CDC42BPA: variants seen among roughly 807,000 people sequenced by gnomAD.
The protein encoded by CDC42BPA is CDC42 binding protein kinase alpha.
Under a neutral mutation model 223.5 loss-of-function variants are expected in CDC42BPA, and 80 were observed. The ratio of observed to expected loss-of-function variants is 0.36; its 90% CI spans 0.30 to 0.43. CDC42BPA has a LOEUF of 0.43. CDC42BPA is among the 20% of genes least tolerant of loss of function. The probability of loss-of-function intolerance (pLI) is 1.00; values close to 1 mark genes in which losing one functional copy is unlikely to be tolerated. For missense variants in CDC42BPA, 1,743 were observed against 2,099.9 expected (o/e 0.83, Z 3.32); for synonymous variants, 694 against 718.6 (o/e 0.97, Z 0.55).
At position 227,243,792 on chromosome 1, in the gene CDC42BPA, ACG is replaced by A. The variant is rs1398907836; in HGVS notation, c.270+10270_270+10271del. ...CACACACACACACACACACACACAC[ACG>A]TGTGCACATCTCCAACAACAGATTT... On this transcript the variant is annotated intron_variant, in intron 2 of 36. Transcript: ENST00000366766. Among the ~76,000 whole-genome samples the A allele has an allele frequency of 1.9e-4, 27 of 145,680 alleles. 2 individuals carry two copies. The East Asian group carries it at 5.2e-3, about 28-fold the overall frequency.
intron 34 of CDC42BPA, among the ~76,000 whole-genome samples, chr1:227,005,334 T>C (rs1013490256): frequency 2.6e-5 from 4 of 152,236 alleles, no homozygotes; most frequent in African/African-American, 9.6e-5. Flanking sequence ...TTATACTTAC[T>C]GAAATACTTA....
chr1:227,177,587 A>G (rs1243607718), intron 5 of CDC42BPA, among the ~76,000 whole-genome samples: 3 of 151,752 alleles, frequency 2.0e-5, no homozygotes, highest in Non-Finnish European at 4.4e-5. Context: ...CCCAGAATTT[A>G]TGTTGTTTTG....
At chr1:227,282,352 G>C (rs1163520811) in intron 1 of CDC42BPA, among the ~76,000 whole-genome samples, 1 of 152,062 alleles carries the variant, frequency 6.6e-6, no homozygotes, top group Non-Finnish European at 1.5e-5. Flanking sequence ...TCACTTCCTA[G>C]GAGTTTAAAC....
At chr1:227,207,014 T>A (rs12723781) in intron 3 of CDC42BPA, among the ~76,000 whole-genome samples, 1 of 150,004 alleles carries the variant, frequency 6.7e-6, no homozygotes, top group African/African-American at 2.4e-5. Context: ...ATGTGCCATG[T>A]TGGTGTGCTG....
At chr1:227,119,539 A>G (rs1688297359) in intron 12 of CDC42BPA, among the ~76,000 whole-genome samples, 1 of 152,044 alleles carries the variant, frequency 6.6e-6, no homozygotes, top group African/African-American at 2.4e-5. Flanking sequence ...TTCTTTTTCA[A>G]TAACATTCTT....
In CDC42BPA at chr1:227,218,103, A is replaced by G. The variant is rs116160413; in HGVS notation, c.271-4884T>C. On this transcript the variant is annotated intron_variant, in intron 2 of 36. Coordinates refer to ENST00000366766, the MANE Select transcript of CDC42BPA (RefSeq NM_001394014.1). ...ATTAATGATGAATGACTGGTAATCT[A>G]TGTGGGTGTATATACATGCAAAGTT... 3.0e-3 allele frequency among the ~76,000 whole-genome samples: 452 copies of G among 152,052 alleles called. 3 individuals are homozygous for G. The highest frequency in any genetic ancestry group is 9.6e-3 in the African/African-American group (398 of 41,552).
intron 5 of CDC42BPA, among the ~76,000 whole-genome samples, chr1:227,193,063 CTTTTTT>C (rs1160548241): frequency 7.7e-4 from 90 of 117,028 alleles, no homozygotes; most frequent in East Asian, 4.6e-3. Flanking sequence ...GAAGTGAGAA[CTTTTTT>C]TTTTTTTTTT....
At chr1:227,137,855 G>A (rs930408296) in intron 10 of CDC42BPA, among the ~76,000 whole-genome samples, 1 of 152,032 alleles carries the variant, frequency 6.6e-6, no homozygotes, top group African/African-American at 2.4e-5. Context: ...ATTTCATAGT[G>A]GTAGGTTACA....
At position 226,994,725 on chromosome 1, in the gene CDC42BPA, C is replaced by G. The variant is rs182481061; in HGVS notation, c.5133+98G>C. 2.2e-4 allele frequency: 280 copies of G among 1,285,352 alleles called. 1 individual carries two copies. The African/African-American group carries it at 3.7e-3, about 17-fold the overall frequency. The allele number at this position is 1,285,352 out of a possible 1,614,324, so 79.6% of individuals were successfully genotyped here. On this transcript the variant is annotated intron_variant, in intron 36 of 36. Transcript: ENST00000366766. This position sits in a 1 kb window ranked among gnomAD's most constrained non-coding sequence, Gnocchi z 4.0. ...TGAATGCTGGCCCCTGACCCCGAAC[C>G]CTGCTGCAGCTGAGGCCAATCCCAA... is the stretch of plus-strand genomic sequence containing the variant.
chr1:227,091,956 T>C lies in CDC42BPA; in HGVS notation c.2285A>G (p.Lys762Arg), dbSNP rs770731771. The C allele has an allele frequency of 1.6e-5, 26 of 1,606,816 alleles. No homozygotes were observed. The highest frequency in any genetic ancestry group is 2.0e-5 in the Non-Finnish European group (23 of 1,176,842). Residue 762 changes from lysine (K) to arginine (R), a missense_variant, in exon 16 of 37, where the codon AAA (lysine) becomes AGA (arginine). Physicochemically the swap from Lys to Arg is conservative, Grantham distance 26. Transcript: ENST00000366766. ...SEREEFESEFKQQYEREKVLL... is the reference protein window; with the variant it reads ...SEREEFESEFRQQYEREKVLL... ...CACTTTTTCTCGTTCATATTGTTGT[T>C]TGAACTCACTTTCAAATTCCTCCCT...
chr1:227,223,339 T>C (rs551547398), intron 2 of CDC42BPA, among the ~76,000 whole-genome samples: 2 of 151,932 alleles, frequency 1.3e-5, no homozygotes, highest in South Asian at 2.1e-4. Flanking sequence ...CAACAGGGAG[T>C]AGCAAGAAAT....
At chr1:227,284,474 T>A (rs951513233) in intron 1 of CDC42BPA, among the ~76,000 whole-genome samples, 10 of 152,164 alleles carry the variant, frequency 6.6e-5, no homozygotes, top group Non-Finnish European at 1.5e-5. Context: ...CAGGTGATTA[T>A]CAAGTATTCT....
rs761586028 is a variant in CDC42BPA at position 227,112,370 on chromosome 1, A to G, written c.1943T>C (p.Leu648Pro). Reference sequence around the variant, plus strand: ...AGAATAGTGCTCACTCTGTTCACGTAGCTTCCTGTCTTTAGATGCTTCAGC... The same window carrying G: ...AGAATAGTGCTCACTCTGTTCACGTGGCTTCCTGTCTTTAGATGCTTCAGC... The part of the protein sequence containing the change: ...LAAEASKDRK[L>P]REQSEHYSKQ... Residue 648 changes from leucine (L) to proline (P), a missense_variant, in exon 14 of 37, where the codon CTA becomes CCA. This residue lies in a region of CDC42BPA where 464 missense variants were observed against 488.0 expected (regional missense o/e 0.95). Coordinates refer to ENST00000366766, the MANE Select transcript of CDC42BPA (RefSeq NM_001394014.1). 1.2e-6 allele frequency: 2 copies of G among 1,609,326 alleles called. No individual in the cohort carries two copies. The highest frequency in any genetic ancestry group is 1.7e-5 in the Admixed American group (1 of 59,108).
chr1:227,087,822 T>C (rs1383135656), intron 16 of CDC42BPA, among the ~76,000 whole-genome samples: 2 of 152,228 alleles, frequency 1.3e-5, no homozygotes, highest in Non-Finnish European at 2.9e-5. Context: ...AATTTCTTCA[T>C]ATTAGCATAG....
chr1:227,120,759 G>C (rs1217851728), intron 11 of CDC42BPA, among the ~76,000 whole-genome samples: 1 of 152,120 alleles, frequency 6.6e-6, no homozygotes, highest in African/African-American at 2.4e-5. Flanking sequence ...CTCATTATCG[G>C]TTCTGCTCTG....
At chr1:227,244,672 T>A (rs1237394622) in intron 2 of CDC42BPA, among the ~76,000 whole-genome samples, 1 of 152,132 alleles carries the variant, frequency 6.6e-6, no homozygotes, top group Non-Finnish European at 1.5e-5. Context: ...GAACAGCAAA[T>A]TTTAAAAACT....
chr1:227,242,445 A>T (rs1680186015), intron 2 of CDC42BPA, among the ~76,000 whole-genome samples: 1 of 152,134 alleles, frequency 6.6e-6, no homozygotes, highest in Non-Finnish European at 1.5e-5. Context: ...TAAAAGGAAT[A>T]AATATTGGGA....
chr1:227,074,618 A>T (rs930037589), intron 17 of CDC42BPA, among the ~76,000 whole-genome samples: 1 of 152,188 alleles, frequency 6.6e-6, no homozygotes, highest in Non-Finnish European at 1.5e-5. Context: ...ATACATTATT[A>T]AAACTTCACC....
rs1694634908 is a variant in CDC42BPA at position 227,317,750 on chromosome 1, A to G, written c.-568T>C. 5 of 398,416 alleles carry G rather than the reference A, an allele frequency of 1.3e-5. No homozygotes were observed. Among genetic ancestry groups the G allele is most frequent in the African/African-American group, 6.2e-5 (3 of 48,628 alleles). The allele number at this position is 398,416 out of a possible 1,614,324, so 24.7% of individuals were successfully genotyped here. ...ACCACTTGGATAATGCATCAGCGGC[A>G]ATTTCTCCAGCGGGAAAGGGAGGGG... On this transcript the variant is annotated 5_prime_UTR_variant, in exon 1 of 37. Coordinates refer to ENST00000366766, the MANE Select transcript of CDC42BPA (RefSeq NM_001394014.1).
Sources: gnomAD v4.1 joint callset for allele counts (sites outside exome capture counted in the v4.1 genomes callset) on GRCh38, gnomAD v4.1.1 for gene constraint, gnomAD v4.1.1 regional missense constraint, Gnocchi (gnomAD v3.1) non-coding constraint, MANE v1.5 for transcripts, NCBI Gene and HGNC (gene_info 2026-07-23, HGNC 2026-07-21) for gene names.